SEC24B: variants seen among roughly 807,000 people sequenced by gnomAD.
The protein encoded by SEC24B is protein transport protein Sec24B.
In SEC24B, 45 loss-of-function variants were observed where a neutral mutation model predicts 142.8. The ratio of observed to expected loss-of-function variants is 0.32; its 90% CI spans 0.25 to 0.40. The LOEUF (loss-of-function observed/expected upper bound fraction) is 0.40, where lower values mean the gene tolerates loss of function less well. SEC24B is among the 10% of genes least tolerant of loss of function. The probability of loss-of-function intolerance (pLI) is 1.00; values close to 1 mark genes in which losing one functional copy is unlikely to be tolerated. For missense variants in SEC24B, 1,409 were observed against 1,526.8 expected (o/e 0.92, Z 1.29); for synonymous variants, 574 against 568.2 (o/e 1.01, Z -0.15).
At chr4:109,513,969 T>TA (rs2126055178) in intron 10 of SEC24B, 113 bp downstream of exon 10, 2 of 645,716 alleles carry the variant, frequency 3.1e-6, no homozygotes, top group East Asian at 5.5e-5. Flanking sequence ...TCATAATTTT[T>TA]AAAAACAAAT....
intron 1 of SEC24B, among the ~76,000 whole-genome samples, chr4:109,443,681 G>A (rs1009832369): frequency 8.5e-5 from 13 of 152,180 alleles, no homozygotes; most frequent in African/African-American, 2.7e-4. Context: ...AAAGAGGAGA[G>A]GACTGTCAGC....
intron 2 of SEC24B, among the ~76,000 whole-genome samples, chr4:109,467,073 TC>T (rs1284929407): frequency 2.6e-5 from 4 of 151,754 alleles, no homozygotes; most frequent in Non-Finnish European, 5.9e-5. Context: ...ACGCCTGTAA[TC>T]CCAGCACTTT....
chr4:109,511,965 A>G lies in SEC24B; in HGVS notation c.1785A>G (p.Pro595=). The G allele has an allele frequency of 6.2e-7, 1 of 1,611,716 alleles. No homozygotes were observed. Among genetic ancestry groups the G allele is most frequent in the Non-Finnish European group, 8.5e-7 (1 of 1,179,492 alleles). The change falls in exon 9 of 24, where the codon CCA becomes CCG. Residue 595 remains proline (P), a synonymous_variant. Transcript: ENST00000265175. The part of the protein sequence containing the change: ...LHPFRDLTQL[P]VITSNTIVRC... ...TTTATTTTATTTCCTAGCAATTACC[A>G]GTGATAACATCAAATACCATTGTGA...
chr4:109,539,542 G>T lies in SEC24B; in HGVS notation c.3693-19G>T. On this transcript the variant is annotated intron_variant, in intron 23 of 23. Coordinates refer to ENST00000265175, the MANE Select transcript of SEC24B (RefSeq NM_006323.5). ...GGCTTTTAAATACGTTTAGACAAAT[G>T]CCCTTTTCTTTCTTCCAGAGATGAG... 2 of 1,488,530 alleles carry T rather than the reference G, an allele frequency of 1.3e-6. No homozygotes were observed. The highest frequency in any genetic ancestry group is 1.4e-5 in the African/African-American group (1 of 72,532). 92.2% of individuals were successfully genotyped at this position (1,488,530 alleles called of 1,614,324 possible).
At chr4:109,461,648 A>G (rs1203304008) in intron 1 of SEC24B, among the ~76,000 whole-genome samples, 2 of 152,234 alleles carry the variant, frequency 1.3e-5, no homozygotes, top group African/African-American at 4.8e-5. Context: ...TATGCATTAC[A>G]TAGATACATG....
At chr4:109,483,542 C>T (rs1734038586) in intron 4 of SEC24B, among the ~76,000 whole-genome samples, 1 of 146,522 alleles carries the variant, frequency 6.8e-6, no homozygotes, top group Non-Finnish European at 1.5e-5. Flanking sequence ...TAGGGACTCT[C>T]AACCTATAGT....
intron 1 of SEC24B, among the ~76,000 whole-genome samples, chr4:109,454,401 T>C (rs1449540978): frequency 6.6e-6 from 1 of 151,794 alleles, no homozygotes; most frequent in Non-Finnish European, 1.5e-5. Flanking sequence ...TAGCCAGGTA[T>C]GGTGGTGGGT....
At position 109,449,483 on chromosome 4, in the gene SEC24B, C is replaced by T. The variant is rs779661878; in HGVS notation, c.134-13418C>T. The T allele has an allele frequency of 2.0e-4, 90 of 454,566 alleles. 5 individuals are homozygous for T. The highest frequency in any genetic ancestry group is 1.3e-3 in the South Asian group (87 of 64,456). The allele number at this position is 454,566 out of a possible 1,614,324, so 28.2% of individuals were successfully genotyped here. On this transcript the variant is annotated intron_variant, in intron 1 of 23. Transcript: ENST00000265175. ...CTGGACCCAAGCAATCTGCCCGCCT[C>T]GGCCTCCCAAATTGCTGGGAGTACA...
chr4:109,465,824 T>C (rs1177820742), intron 2 of SEC24B, among the ~76,000 whole-genome samples: 1 of 152,218 alleles, frequency 6.6e-6, no homozygotes, highest in African/African-American at 2.4e-5. Context: ...TCTGTTTGAG[T>C]AACTGCTCTA....
At chr4:109,491,480 T>G in intron 5 of SEC24B, 73 bp downstream of exon 5, 2 of 1,105,086 alleles carry the variant, frequency 1.8e-6, no homozygotes, top group East Asian at 4.7e-5. Context: ...AATGTGAACA[T>G]GTATTACACA....
chr4:109,490,228 C>T (rs1734871853), intron 4 of SEC24B, among the ~76,000 whole-genome samples: 1 of 152,058 alleles, frequency 6.6e-6, no homozygotes, highest in Non-Finnish European at 1.5e-5. Flanking sequence ...TAACTGCAGT[C>T]TTTGCCTCCA....
intron 2 of SEC24B, among the ~76,000 whole-genome samples, chr4:109,464,774 T>C (rs1400861966): frequency 6.6e-6 from 1 of 152,202 alleles, no homozygotes; most frequent in East Asian, 1.9e-4. Context: ...ATTAGAACTT[T>C]AATATTAGAC....
chr4:109,508,959 T>A (rs1324910291), intron 7 of SEC24B, among the ~76,000 whole-genome samples: 2 of 152,210 alleles, frequency 1.3e-5, no homozygotes, highest in Non-Finnish European at 2.9e-5. Context: ...GAACTTATAT[T>A]CTCCGATGAA....
intron 18 of SEC24B, among the ~76,000 whole-genome samples, chr4:109,528,928 T>C (rs1724579589): frequency 6.6e-6 from 1 of 152,204 alleles, no homozygotes; most frequent in Non-Finnish European, 1.5e-5. Flanking sequence ...CTTGGGAGGC[T>C]GAAGCAAGTG....
chr4:109,521,935 G>A (rs1723663588), intron 14 of SEC24B, among the ~76,000 whole-genome samples: 1 of 151,916 alleles, frequency 6.6e-6, no homozygotes, highest in South Asian at 2.1e-4. Flanking sequence ...GTTTCACCAT[G>A]TTGGTCAGGC....
chr4:109,452,409 G>T (rs748030850), intron 1 of SEC24B, among the ~76,000 whole-genome samples: 2 of 152,190 alleles, frequency 1.3e-5, no homozygotes, highest in African/African-American at 2.4e-5. Context: ...CTGTGTGAAC[G>T]CAAGTTTGCA....
At chr4:109,441,994 A>G (rs761284966) in intron 1 of SEC24B, among the ~76,000 whole-genome samples, 2 of 152,192 alleles carry the variant, frequency 1.3e-5, no homozygotes, top group African/African-American at 2.4e-5. Context: ...TTGCATTATG[A>G]TAACCTAGGA....
chr4:109,488,369 A>T (rs1734607921), intron 4 of SEC24B, among the ~76,000 whole-genome samples: 1 of 152,182 alleles, frequency 6.6e-6, no homozygotes, highest in African/African-American at 2.4e-5. Flanking sequence ...ATCATATAAT[A>T]TGTGGTTGTT....
chr4:109,507,749 G>A (rs1265814079), intron 7 of SEC24B, among the ~76,000 whole-genome samples: 2 of 152,112 alleles, frequency 1.3e-5, no homozygotes, highest in African/African-American at 4.8e-5. Flanking sequence ...AGGTTCAAGT[G>A]ATTCTCCTGC....
Sources: allele counts gnomAD v4.1 joint callset (sites outside exome capture counted in the v4.1 genomes callset), GRCh38; gene constraint gnomAD v4.1.1; transcripts MANE v1.5; gene names NCBI Gene and HGNC (gene_info 2026-07-23, HGNC 2026-07-21).